Variants in DCC observed in about 807,000 individuals in gnomAD.
The protein encoded by DCC is DCC netrin 1 receptor, also known as netrin receptor DCC.
Under a neutral mutation model 172.5 loss-of-function variants are expected in DCC, and 58 were observed. That is an observed-to-expected ratio of 0.34 (90% CI 0.27 to 0.42). The LOEUF (loss-of-function observed/expected upper bound fraction) is 0.42. DCC is among the 10% of genes least tolerant of loss of function. The pLI is 1.00. For synonymous variants in DCC, 709 were observed against 644.5 expected (o/e 1.10, Z -1.52); for missense variants, 1,740 against 1,791.0 (o/e 0.97, Z 0.51).
rs551441819 is a variant in DCC, at chr18:52,962,183, G to T, written c.985+36813G>T. 4.6e-5 allele frequency among the ~76,000 whole-genome samples: 7 copies of T among 151,288 alleles called. No homozygotes were observed. In the East Asian group the frequency reaches 1.4e-3, roughly 29 times the overall value. On this transcript the variant is annotated intron_variant, in intron 5 of 28. Coordinates refer to ENST00000442544, the MANE Select transcript of DCC (RefSeq NM_005215.4). ...AGAGTGAACAGGCAACCTACAAAATGGGAGAAAATTTTCACAACCTACTTA... is the reference window on the plus strand; with the variant it reads ...AGAGTGAACAGGCAACCTACAAAATTGGAGAAAATTTTCACAACCTACTTA...
At chr18:52,899,182 C>G (rs892954843) in intron 2 of DCC, among the ~76,000 whole-genome samples, 10 of 152,054 alleles carry the variant, frequency 6.6e-5, no homozygotes, top group Admixed American at 2.0e-4. Context: ...CAGGATCTCT[C>G]TCTGCCACCC....
At chr18:52,361,140 T>A (rs1255531851) in intron 1 of DCC, among the ~76,000 whole-genome samples, 1 of 152,238 alleles carries the variant, frequency 6.6e-6, no homozygotes, top group African/African-American at 2.4e-5. Context: ...TACATTTCTA[T>A]CCTTATCTTT....
At chr18:53,470,238 G>A (rs1041525331) in intron 25 of DCC, among the ~76,000 whole-genome samples, 6 of 152,122 alleles carry the variant, frequency 3.9e-5, no homozygotes, top group African/African-American at 1.4e-4. Context: ...GATCTCTAGG[G>A]CAAGGGCAAA....
At chr18:53,239,497 G>T (rs770125393) in intron 12 of DCC, among the ~76,000 whole-genome samples, 6 of 152,122 alleles carry the variant, frequency 3.9e-5, no homozygotes. Flanking sequence ...GATGATGGTT[G>T]TGCTGATAGG....
intron 1 of DCC, among the ~76,000 whole-genome samples, chr18:52,432,234 T>C (rs1157130248): frequency 1.3e-5 from 2 of 152,154 alleles, no homozygotes; most frequent in Non-Finnish European, 2.9e-5. Context: ...TGCATGGCTC[T>C]CATGATCAGG....
At chr18:52,374,117 C>A (rs1423916095) in intron 1 of DCC, among the ~76,000 whole-genome samples, 1 of 151,822 alleles carries the variant, frequency 6.6e-6, no homozygotes, top group Non-Finnish European at 1.5e-5. Context: ...TGGTCTCGAT[C>A]TCCTGACCTC....
chr18:52,939,028 C>CT (rs529296521), intron 5 of DCC, among the ~76,000 whole-genome samples: 82 of 152,254 alleles, frequency 5.4e-4, no homozygotes, highest in African/African-American at 1.9e-3. Flanking sequence ...TCTCAAGGGA[C>CT]TTCCACTTTT....
intron 18 of DCC, among the ~76,000 whole-genome samples, chr18:53,400,407 A>C (rs1480288086): frequency 6.6e-6 from 1 of 152,146 alleles, no homozygotes; most frequent in Non-Finnish European, 1.5e-5. Flanking sequence ...ACATAAAATA[A>C]AACAGAATAT....
intron 8 of DCC, among the ~76,000 whole-genome samples, chr18:53,167,103 C>T (rs1031795287): frequency 6.6e-6 from 1 of 152,170 alleles, no homozygotes; most frequent in Non-Finnish European, 1.5e-5. Context: ...GTTAATGTAA[C>T]TCTTCCTCCC....
At chr18:53,476,076 T>G (rs1452611975) in intron 25 of DCC, among the ~76,000 whole-genome samples, 1 of 152,192 alleles carries the variant, frequency 6.6e-6, no homozygotes, top group Non-Finnish European at 1.5e-5. Context: ...TTGTTTTGGT[T>G]AATTTATCCC....
intron 5 of DCC, among the ~76,000 whole-genome samples, chr18:52,968,880 T>C (rs2040977749): frequency 1.3e-5 from 2 of 152,188 alleles, no homozygotes; most frequent in Non-Finnish European, 2.9e-5. Context: ...TTATCTGAAA[T>C]TCTAATTTAG....
In DCC at chr18:52,349,340, G is replaced by A. The variant is rs931428330; in HGVS notation, c.91+8462G>A. On this transcript the variant is annotated intron_variant, in intron 1 of 28. Coordinates refer to ENST00000442544, the MANE Select transcript of DCC (RefSeq NM_005215.4). ...CTCATTAGAGATGTGAGCCAAGGCT[G>A]AGACATCTAAGCAAACCCTCTGCAC... Among the ~76,000 whole-genome samples, 3 of 152,174 alleles carry A rather than the reference G, an allele frequency of 2.0e-5. No homozygotes were observed. In the East Asian group the frequency reaches 5.8e-4, roughly 29 times the overall value.
intron 5 of DCC, among the ~76,000 whole-genome samples, chr18:53,006,327 T>G (rs1471548428): frequency 6.6e-6 from 1 of 152,298 alleles, no homozygotes; most frequent in South Asian, 2.1e-4. Context: ...GCAATTATTC[T>G]TAAGCATGGC....
chr18:52,975,248 G>T (rs554646511), intron 5 of DCC, among the ~76,000 whole-genome samples: 1 of 152,288 alleles, frequency 6.6e-6, no homozygotes, highest in South Asian at 2.1e-4. Context: ...TTTCTTCTTG[G>T]CTTGCAGATG....
At position 53,217,454 on chromosome 18, in the gene DCC, T is replaced by C. The variant is rs542018054; in HGVS notation, c.1911+1857T>C. ...ACATTGCACTGCTAGAAAGTTTAAATTGTTCATTCGCTTTTCAGAATGAAA... is the reference window on the plus strand; with the variant it reads ...ACATTGCACTGCTAGAAAGTTTAAACTGTTCATTCGCTTTTCAGAATGAAA... On this transcript the variant is annotated intron_variant, in intron 12 of 28. Coordinates refer to ENST00000442544, the MANE Select transcript of DCC (RefSeq NM_005215.4). Among the ~76,000 whole-genome samples the C allele has an allele frequency of 1.4e-4, 21 of 152,208 alleles. No homozygotes were observed. The East Asian group carries it at 4.1e-3, about 29-fold the overall frequency.
At chr18:52,907,339 T>C (rs2145450286) in intron 3 of DCC, among the ~76,000 whole-genome samples, 1 of 150,884 alleles carries the variant, frequency 6.6e-6, no homozygotes, top group African/African-American at 2.4e-5. Flanking sequence ...TATGGATATA[T>C]ACATATATCA....
chr18:52,778,662 A>G (rs1007420274), intron 2 of DCC, among the ~76,000 whole-genome samples: 4 of 152,184 alleles, frequency 2.6e-5, no homozygotes, highest in African/African-American at 9.6e-5. Flanking sequence ...TAATTTGAGT[A>G]ATTGCCTAGT....
At chr18:53,220,558 G>A (rs1232389399) in intron 12 of DCC, among the ~76,000 whole-genome samples, 1 of 152,128 alleles carries the variant, frequency 6.6e-6, no homozygotes, top group African/African-American at 2.4e-5. Flanking sequence ...AGAGAAAGAG[G>A]ATATATATGA....
intron 5 of DCC, among the ~76,000 whole-genome samples, chr18:52,969,450 C>T (rs1439947835): frequency 6.6e-6 from 1 of 152,126 alleles, no homozygotes; most frequent in Non-Finnish European, 1.5e-5. Flanking sequence ...TGACCATTGC[C>T]TCAATCAGCC....
Sources: allele counts gnomAD v4.1 joint callset (sites outside exome capture counted in the v4.1 genomes callset), GRCh38; gene constraint gnomAD v4.1.1; transcripts MANE v1.5; gene names NCBI Gene and HGNC (gene_info 2026-07-23, HGNC 2026-07-21).